AUTS2: variants seen among roughly 807,000 people sequenced by gnomAD.
AUTS2 encodes activator of transcription and developmental regulator AUTS2, also known as autism susceptibility gene 2 protein.
Under a neutral mutation model 112.4 loss-of-function variants are expected in AUTS2, and 17 were observed. The observed-to-expected ratio is 0.15, with a 90% confidence interval of 0.10 to 0.23. The LOEUF is 0.23. AUTS2 is among the 10% of genes least tolerant of loss of function. The pLI is 1.00. For missense variants in AUTS2, 1,510 were observed against 1,701.6 expected (o/e 0.89, Z 1.98); for synonymous variants, 751 against 702.7 (o/e 1.07, Z -1.09).
At chr7:69,774,047 G>A (rs751143895) in intron 1 of AUTS2, among the ~76,000 whole-genome samples, 1 of 152,208 alleles carries the variant, frequency 6.6e-6, no homozygotes, top group Non-Finnish European at 1.5e-5. Flanking sequence ...AGTGATGATA[G>A]CGCCCTGGAG....
chr7:70,717,962 C>T (rs1810471070), intron 6 of AUTS2, among the ~76,000 whole-genome samples: 1 of 152,160 alleles, frequency 6.6e-6, no homozygotes, highest in South Asian at 2.1e-4. Flanking sequence ...CCATTCCTGC[C>T]CTGGAGTAAA....
chr7:70,294,700 C>T (rs920859441), intron 4 of AUTS2, among the ~76,000 whole-genome samples: 1 of 152,142 alleles, frequency 6.6e-6, no homozygotes, highest in African/African-American at 2.4e-5. Context: ...CACATGTAGC[C>T]CAGAGGACTT....
chr7:70,522,789 A>G (rs1799695937), intron 5 of AUTS2, among the ~76,000 whole-genome samples: 1 of 152,166 alleles, frequency 6.6e-6, no homozygotes, highest in Non-Finnish European at 1.5e-5. Context: ...TCTTTTTGGT[A>G]GAACAGTTTA....
At chr7:70,520,514 C>A (rs556547660) in intron 5 of AUTS2, among the ~76,000 whole-genome samples, 1 of 152,168 alleles carries the variant, frequency 6.6e-6, no homozygotes, top group East Asian at 1.9e-4. Context: ...TCATCCAGGT[C>A]CCACCTTTAG....
At chr7:69,629,701 GTCAGTAGCCTGTGAGCCACAT>G (rs1794137884) in intron 1 of AUTS2, among the ~76,000 whole-genome samples, 4 of 152,150 alleles carry the variant, frequency 2.6e-5, no homozygotes, top group Admixed American at 2.0e-4. Context: ...AATCACCGCA[GTCAGTAGCCTGTGAGCCACAT>G]GAGGGCAGGG....
chr7:69,631,412 C>T (rs114934830), intron 1 of AUTS2, among the ~76,000 whole-genome samples: 2,946 of 152,288 alleles, frequency 0.019, 95 homozygotes, highest in African/African-American at 0.064. Context: ...AGTTTAACAT[C>T]TGGGTCAGGG....
At chr7:70,126,548 G>C (rs1370752108) in intron 3 of AUTS2, among the ~76,000 whole-genome samples, 1 of 152,140 alleles carries the variant, frequency 6.6e-6, no homozygotes, top group Non-Finnish European at 1.5e-5. Context: ...GTTTAGATTA[G>C]TCACTAGGGA....
chr7:70,364,894 C>T (rs1191379116), intron 4 of AUTS2, among the ~76,000 whole-genome samples: 1 of 152,090 alleles, frequency 6.6e-6, no homozygotes, highest in Non-Finnish European at 1.5e-5. Flanking sequence ...AGTCTTGATA[C>T]TAAAATGCTA....
At chr7:70,336,669 A>G (rs1390733725) in intron 4 of AUTS2, among the ~76,000 whole-genome samples, 5 of 152,146 alleles carry the variant, frequency 3.3e-5, no homozygotes, top group African/African-American at 1.2e-4. Flanking sequence ...CTCTGTGCCT[A>G]CTTAGCTAAG....
At chr7:70,591,681 G>A (rs899030317) in intron 5 of AUTS2, among the ~76,000 whole-genome samples, 3 of 152,072 alleles carry the variant, frequency 2.0e-5, no homozygotes, top group Non-Finnish European at 4.4e-5. Flanking sequence ...TTACAGGCAT[G>A]AGCCACCCCG....
chr7:70,688,565 T>C (rs1808584890), intron 5 of AUTS2, among the ~76,000 whole-genome samples: 1 of 152,176 alleles, frequency 6.6e-6, no homozygotes, highest in African/African-American at 2.4e-5. Flanking sequence ...CAGTGACTCA[T>C]GCCTCTAATC....
At chr7:70,729,924 C>G (rs941243546) in intron 6 of AUTS2, among the ~76,000 whole-genome samples, 1 of 152,042 alleles carries the variant, frequency 6.6e-6, no homozygotes, top group Non-Finnish European at 1.5e-5. Context: ...GCCCCATCAC[C>G]CAGGCTGGAG....
At chr7:70,171,108 T>G (rs558901232) in intron 4 of AUTS2, among the ~76,000 whole-genome samples, 1 of 152,370 alleles carries the variant, frequency 6.6e-6, no homozygotes, top group African/African-American at 2.4e-5. Context: ...AAATCCTCAT[T>G]GATTACACTG....
At chr7:70,050,515 CCTT>C (rs2129559172) in intron 2 of AUTS2, among the ~76,000 whole-genome samples, 1 of 152,080 alleles carries the variant, frequency 6.6e-6, no homozygotes, top group South Asian at 2.1e-4. Context: ...CTGTTATTAG[CCTT>C]CTTGTGCCTC....
chr7:69,728,581 A>C (rs1180190794), intron 1 of AUTS2, among the ~76,000 whole-genome samples: 1 of 152,164 alleles, frequency 6.6e-6, no homozygotes, highest in East Asian at 1.9e-4. Flanking sequence ...ATGTTTTCCC[A>C]AAAGGCTTTA....
At chr7:69,921,714 ATCACACC>A (rs1338411538) in intron 2 of AUTS2, among the ~76,000 whole-genome samples, 1 of 146,582 alleles carries the variant, frequency 6.8e-6, no homozygotes, top group East Asian at 2.0e-4. Flanking sequence ...GTGAGCCGAG[ATCACACC>A]ACTGCACTGT....
At chr7:70,680,773 C>T (rs1372209254) in intron 5 of AUTS2, among the ~76,000 whole-genome samples, 1 of 152,164 alleles carries the variant, frequency 6.6e-6, no homozygotes. Flanking sequence ...AGCTACCAGC[C>T]AACAACTGTA....
chr7:69,678,058 A>T (rs1796634945), intron 1 of AUTS2, among the ~76,000 whole-genome samples: 1 of 152,174 alleles, frequency 6.6e-6, no homozygotes, highest in South Asian at 2.1e-4. Flanking sequence ...AATTACTTTT[A>T]AGATGCTTGG....
intron 1 of AUTS2, among the ~76,000 whole-genome samples, chr7:69,890,579 G>A (rs1288707972): frequency 4.0e-5 from 6 of 151,798 alleles, no homozygotes; most frequent in East Asian, 1.9e-4. Context: ...ATTGGCTAAC[G>A]TGCTCATGGG....
Sources: gnomAD v4.1 joint callset for allele counts (sites outside exome capture counted in the v4.1 genomes callset) on GRCh38, gnomAD v4.1.1 for gene constraint, MANE v1.5 for transcripts, NCBI Gene and HGNC (gene_info 2026-07-23, HGNC 2026-07-21) for gene names.